C16orf87: variants seen among roughly 807,000 people sequenced by gnomAD.
C16orf87 encodes the protein UPF0547 protein C16orf87.
In C16orf87, 13 loss-of-function variants were observed where a neutral mutation model predicts 21.0. The observed-to-expected ratio is 0.62, with a 90% CI of 0.40 to 0.98. The LOEUF is 0.98. Among genes scored for constraint, C16orf87 ranks in the 50% least tolerant of loss-of-function variants. C16orf87 has a pLI of 0.00. For synonymous variants in C16orf87, 49 were observed against 60.2 expected (o/e 0.81, Z 0.86); for missense variants, 113 against 180.4 (o/e 0.63, Z 2.14).
chr16:46,816,002 T>C (rs1399291894), intron 2 of C16orf87, among the ~76,000 whole-genome samples: 4 of 152,212 alleles, frequency 2.6e-5, no homozygotes, highest in Non-Finnish European at 2.9e-5. Flanking sequence ...TGTCCACTGA[T>C]GAATACATAA....
chr16:46,804,399 T>A (rs919370404), intron 3 of C16orf87, among the ~76,000 whole-genome samples: 2 of 152,206 alleles, frequency 1.3e-5, no homozygotes, highest in African/African-American at 4.8e-5. Context: ...AGGTAACTTG[T>A]AGGGGCTTCC....
At position 46,797,509 on chromosome 16, in the gene C16orf87, A is replaced by G. The variant is rs1967646632; in HGVS notation, c.*5443T>C. 1.3e-5 allele frequency: 2 copies of G among 152,070 alleles called. No individual in the cohort carries two copies. The highest frequency in any genetic ancestry group is 4.8e-5 in the African/African-American group (2 of 41,382). The allele number at this position is 152,070 out of a possible 1,614,324, so 9.4% of individuals were successfully genotyped here. ...ACTACAGGAACATGCTACCACGCCT[A>G]GCTAATTTTGTGTATTTTTTGTAGA... is the stretch of plus-strand genomic sequence containing the variant. On this transcript the variant is annotated 3_prime_UTR_variant, in exon 4 of 4. Coordinates refer to ENST00000285697, the MANE Select transcript of C16orf87 (RefSeq NM_001001436.4).
chr16:46,823,169 A>T (rs1053709600), intron 2 of C16orf87, among the ~76,000 whole-genome samples: 2 of 152,174 alleles, frequency 1.3e-5, no homozygotes, highest in Non-Finnish European at 2.9e-5. Flanking sequence ...CACCCAATCA[A>T]AAGTAGCCTT....
intron 1 of C16orf87, among the ~76,000 whole-genome samples, chr16:46,829,177 T>C (rs1959747030): frequency 6.6e-6 from 1 of 152,162 alleles, no homozygotes; most frequent in Non-Finnish European, 1.5e-5. Context: ...CTTGACCCTC[T>C]TTCTGCCATG....
At chr16:46,813,634 C>T (rs1968162509) in intron 2 of C16orf87, among the ~76,000 whole-genome samples, 3 of 152,176 alleles carry the variant, frequency 2.0e-5, no homozygotes, top group African/African-American at 7.2e-5. Flanking sequence ...CTCAAGCTCA[C>T]CACTTTGTTC....
intron 2 of C16orf87, among the ~76,000 whole-genome samples, chr16:46,820,196 C>A (rs575824015): frequency 2.0e-5 from 3 of 152,278 alleles, no homozygotes; most frequent in Non-Finnish European, 2.9e-5. Context: ...TTTCTTCCTG[C>A]ACATCACAAA....
At chr16:46,823,666 C>T (rs1369401455) in intron 2 of C16orf87, among the ~76,000 whole-genome samples, 1 of 151,840 alleles carries the variant, frequency 6.6e-6, no homozygotes, top group Non-Finnish European at 1.5e-5. Context: ...TTAAAAGTTG[C>T]TGCAAATTTT....
intron 3 of C16orf87, among the ~76,000 whole-genome samples, chr16:46,807,584 A>G (rs1385976218): frequency 2.0e-5 from 3 of 152,246 alleles, no homozygotes; most frequent in African/African-American, 7.2e-5. Context: ...ACAATGGCAG[A>G]GCTGAGTAGT....
chr16:46,826,658 C>T (rs1168906499), intron 1 of C16orf87, among the ~76,000 whole-genome samples: 2 of 152,006 alleles, frequency 1.3e-5, no homozygotes, highest in African/African-American at 4.8e-5. Flanking sequence ...TAATGAGATC[C>T]CTTCAAATCA....
chr16:46,813,627 AAGCTCACC>A (rs1968162346), intron 2 of C16orf87, among the ~76,000 whole-genome samples: 1 of 152,172 alleles, frequency 6.6e-6, no homozygotes, highest in South Asian at 2.1e-4. Context: ...CATGATGCTC[AAGCTCACC>A]ACTTTGTTCA....
intron 1 of C16orf87, among the ~76,000 whole-genome samples, chr16:46,826,772 G>A (rs1358438208): frequency 6.6e-6 from 1 of 152,066 alleles, no homozygotes; most frequent in Non-Finnish European, 1.5e-5. Context: ...AAGCTCAAAG[G>A]CACTGACTCA....
intron 3 of C16orf87, 76 bp downstream of exon 3, chr16:46,809,527 C>T (rs565007124): frequency 1.3e-5 from 13 of 964,576 alleles, no homozygotes; most frequent in African/African-American, 3.3e-5. Flanking sequence ...AATGCCTCCA[C>T]TTTCTTCACT....
intron 1 of C16orf87, among the ~76,000 whole-genome samples, chr16:46,829,045 C>A (rs902597428): frequency 2.0e-5 from 3 of 152,108 alleles, no homozygotes; most frequent in South Asian, 2.1e-4. Context: ...TATATTGAAG[C>A]CTTAACCGCA....
At chr16:46,823,418 G>T (rs983386583) in intron 2 of C16orf87, among the ~76,000 whole-genome samples, 1 of 152,066 alleles carries the variant, frequency 6.6e-6, no homozygotes, top group Admixed American at 6.6e-5. Context: ...CCATATGAAG[G>T]TCTGCTTTTA....
chr16:46,806,377 C>T (rs1386165316), intron 3 of C16orf87, among the ~76,000 whole-genome samples: 2 of 151,910 alleles, frequency 1.3e-5, no homozygotes, highest in African/African-American at 4.8e-5. Context: ...CCTGCCTCAG[C>T]CTCCCAAGTA....
In C16orf87 at chr16:46,802,796, T is replaced by G. The variant is rs1041613201; in HGVS notation, c.*156A>C. Reference sequence around the variant, plus strand: ...AGAACAGTCCAAGCCTACACAGCTTTGCTCCCGAAGTGTGGCACAGGCTAA... The same window carrying G: ...AGAACAGTCCAAGCCTACACAGCTTGGCTCCCGAAGTGTGGCACAGGCTAA... On this transcript the variant is annotated 3_prime_UTR_variant, in exon 4 of 4. Coordinates refer to ENST00000285697, the MANE Select transcript of C16orf87 (RefSeq NM_001001436.4). The G allele has an allele frequency of 5.2e-6, 3 of 571,964 alleles. No homozygotes were observed. The highest frequency in any genetic ancestry group is 6.5e-5 in the Admixed American group (2 of 30,566). The allele number at this position is 571,964 out of a possible 1,614,324, so 35.4% of individuals were successfully genotyped here.
chr16:46,807,854 A>T lies in C16orf87; in HGVS notation c.346+1749T>A, dbSNP rs1045397540. 10 of 187,056 alleles carry T rather than the reference A, an allele frequency of 5.3e-5. No individual in the cohort carries two copies. In the Admixed American group the frequency reaches 5.9e-4, roughly 11 times the overall value. 11.6% of individuals were successfully genotyped at this position (187,056 alleles called of 1,614,324 possible). A position where few individuals can be genotyped will look rare whatever the true frequency, so the allele number is the denominator to read the frequency against. ...TAAACAAATGCTTCTTTTTTCATGTAATCATGAAATAAAAGCTGAAATCCT... is the reference window on the plus strand; with the variant it reads ...TAAACAAATGCTTCTTTTTTCATGTTATCATGAAATAAAAGCTGAAATCCT... On this transcript the variant is annotated intron_variant, in intron 3 of 3. Transcript: ENST00000285697.
rs573061658 is a variant in C16orf87 at position 46,829,823 on chromosome 16, T to G, written c.66+1261A>C. Among the ~76,000 whole-genome samples, 3 of 152,156 alleles carry G rather than the reference T, an allele frequency of 2.0e-5. No individual in the cohort carries two copies. The East Asian group carries it at 5.8e-4, about 29-fold the overall frequency. On this transcript the variant is annotated intron_variant, in intron 1 of 3. Transcript: ENST00000285697. Reference sequence around the variant, plus strand: ...AGGATACTTAATAAAACATGTAACATGTTTTCTGTTAAAAGATTTGAAAAA... The same window carrying G: ...AGGATACTTAATAAAACATGTAACAGGTTTTCTGTTAAAAGATTTGAAAAA...
intron 1 of C16orf87, among the ~76,000 whole-genome samples, chr16:46,826,619 T>C (rs572357182): frequency 2.6e-5 from 4 of 152,292 alleles, no homozygotes; most frequent in African/African-American, 9.6e-5. Context: ...AACTCCAGAT[T>C]TGTCTAACAG....
Sources: gnomAD v4.1 joint callset for allele counts (sites outside exome capture counted in the v4.1 genomes callset) on GRCh38, gnomAD v4.1.1 for gene constraint, MANE v1.5 for transcripts, NCBI Gene and HGNC (gene_info 2026-07-23, HGNC 2026-07-21) for gene names.